The following DOCK6 variants were observed in gnomAD, a reference collection of about 807,000 sequenced individuals.
DOCK6 encodes dedicator of cytokinesis protein 6.
DOCK6 carries 167 observed loss-of-function variants against 230.3 expected under a neutral mutation model. That is an observed-to-expected ratio of 0.73 (90% CI 0.64 to 0.82). The LOEUF (loss-of-function observed/expected upper bound fraction) is 0.82. Among genes scored for constraint, DOCK6 ranks in the 40% least tolerant of loss-of-function variants. DOCK6 has a pLI of 0.00. For missense variants in DOCK6, 2,598 were observed against 2,825.8 expected (o/e 0.92, Z 1.83); for synonymous variants, 1,148 against 1,185.0 (o/e 0.97, Z 0.64).
intron 6 of DOCK6, among the ~76,000 whole-genome samples, chr19:11,249,238 C>T (rs747071613): frequency 8.5e-5 from 13 of 152,118 alleles, no homozygotes; most frequent in Non-Finnish European, 1.5e-4. Flanking sequence ...TCTGGCCAGG[C>T]GCAGTGGCTC....
At position 11,251,105 on chromosome 19, in the gene DOCK6, C is replaced by T; in HGVS notation, c.508-19G>A. On this transcript the variant is annotated intron_variant, in intron 5 of 47. Coordinates refer to ENST00000294618, the MANE Select transcript of DOCK6 (RefSeq NM_020812.4). ...AGTCATTCTGCCAGTGGAGAATGTGCAAGCACTGAGTGCCAGCTGTATACA... is the reference window on the plus strand; with the variant it reads ...AGTCATTCTGCCAGTGGAGAATGTGTAAGCACTGAGTGCCAGCTGTATACA... The T allele has an allele frequency of 1.3e-6, 2 of 1,598,672 alleles. No individual in the cohort carries two copies. The highest frequency in any genetic ancestry group is 2.3e-5 in the South Asian group (2 of 88,790).
intron 21 of DOCK6, among the ~76,000 whole-genome samples, chr19:11,234,359 A>G (rs773550491): frequency 2.6e-4 from 39 of 151,530 alleles, no homozygotes; most frequent in Non-Finnish European, 4.3e-4. Context: ...CACTTGCCTC[A>G]GCCTCCCAAA....
At position 11,227,486 on chromosome 19, in the gene DOCK6, G is replaced by C. The variant is rs1245273268; in HGVS notation, c.2815-9C>G. 6.4e-7 allele frequency: 1 copy of C among 1,561,024 alleles called. No homozygotes were observed. The highest frequency in any genetic ancestry group is 8.7e-7 in the Non-Finnish European group (1 of 1,153,580). ...AGCGCCATACTCTTCACCTGGGGGT[G>C]GGGTGAGAGGGCTGTGGGTGGGATT... On this transcript the variant is annotated splice_polypyrimidine_tract_variant and intron_variant, in intron 23 of 47. Coordinates refer to ENST00000294618, the MANE Select transcript of DOCK6 (RefSeq NM_020812.4).
chr19:11,229,876 CA>C (rs2079735626), intron 22 of DOCK6, among the ~76,000 whole-genome samples: 1 of 151,426 alleles, frequency 6.6e-6, no homozygotes, highest in African/African-American at 2.4e-5. Flanking sequence ...AACAAACAAA[CA>C]AACAAAAATA....
At chr19:11,212,175 T>G (rs972441522) in intron 35 of DOCK6, 24 bp from the exon 36 acceptor site, 1 of 1,595,510 alleles carries the variant, frequency 6.3e-7, no homozygotes, top group Non-Finnish European at 8.5e-7. Context: ...GGCGGGAGGG[T>G]GGAGCCGGGA....
chr19:11,237,410 C>T (rs563171670), intron 18 of DOCK6, 46 bp downstream of exon 18: 9 of 1,608,266 alleles, frequency 5.6e-6, no homozygotes, highest in Middle Eastern at 1.9e-4. Flanking sequence ...CTCGGGAGTG[C>T]TTCTGGGGAC....
intron 6 of DOCK6, among the ~76,000 whole-genome samples, chr19:11,250,375 G>A (rs1233860635): frequency 2.0e-5 from 3 of 151,326 alleles, no homozygotes; most frequent in African/African-American, 7.3e-5. Flanking sequence ...GTGCAGTGAC[G>A]GTGATTTCGG....
intron 31 of DOCK6, 42 bp downstream of exon 31, chr19:11,215,759 C>A (rs879903909): frequency 7.4e-6 from 12 of 1,611,026 alleles, no homozygotes; most frequent in Non-Finnish European, 9.3e-6. Context: ...AAGGTGGGAG[C>A]AGCTGGTGGG....
At chr19:11,213,025 G>A (rs1303357688) in intron 35 of DOCK6, 151 bp downstream of exon 35, 17 of 1,064,238 alleles carry the variant, frequency 1.6e-5, no homozygotes, top group Admixed American at 5.5e-5. Flanking sequence ...AATGAGCCAC[G>A]GCACCTGACC....
rs372103072 is a variant in DOCK6, at chr19:11,252,153, G to C, written c.473C>G (p.Ala158Gly). 39 of 1,588,118 alleles carry C rather than the reference G, an allele frequency of 2.5e-5. No homozygotes were observed. The highest frequency in any genetic ancestry group is 3.1e-5 in the Non-Finnish European group (36 of 1,167,702). Residue 158 changes from alanine (A) to glycine (G), a missense_variant, in exon 5 of 48, where the codon GCT becomes GGT. Ala to Gly is a moderately conservative substitution (Grantham distance 60, BLOSUM62 0). Transcript: ENST00000294618. ...AGGGCCGGACCTCTCGTCTCCAGAA[G>C]CATCCTGCTCAAAGACCTGGCGGGG... ...GLPRQVFEQDASGDERSGPED... is the reference protein window; with the variant it reads ...GLPRQVFEQDGSGDERSGPED...
At position 11,252,530 on chromosome 19, in the gene DOCK6, C is replaced by G; in HGVS notation, c.329G>C (p.Arg110Thr). The G allele has an allele frequency of 6.2e-7, 1 of 1,613,904 alleles. No individual in the cohort carries two copies. The highest frequency in any genetic ancestry group is 8.5e-7 in the Non-Finnish European group (1 of 1,179,892). The change falls in exon 4 of 48, where the codon AGG (arginine) becomes ACG (threonine). Residue 110 changes from arginine to threonine, a missense_variant. Coordinates refer to ENST00000294618, the MANE Select transcript of DOCK6 (RefSeq NM_020812.4). The stretch of plus-strand genomic sequence containing the variant: ...CTCAATATACATCTCCACCGCGGCC[C>G]TCACCTGGGCATCCAGTTTTCTGCA... ...PKDEKLDAQV[R>T]AAVEMYIEDW...
rs986110965 is a variant in DOCK6 at position 11,201,800 on chromosome 19, T to C, written c.5688+89A>G. 6 of 1,274,434 alleles carry C rather than the reference T, an allele frequency of 4.7e-6. No homozygotes were observed. In the African/African-American group the frequency reaches 8.8e-5, roughly 19 times the overall value. 78.9% of individuals were successfully genotyped at this position (1,274,434 alleles called of 1,614,324 possible). A position where few individuals can be genotyped will look rare whatever the true frequency, so the allele number is the denominator to read the frequency against. On this transcript the variant is annotated intron_variant, in intron 44 of 47. Transcript: ENST00000294618. The surrounding 1 kb of genome is among the most constrained non-coding windows in gnomAD (Gnocchi z 4.3). ...TGAGGTCCGTGAACCACCTTGGGTCTGGGTCCCTGTGTCTACCCTCCCCTC... is the reference window on the plus strand; with the variant it reads ...TGAGGTCCGTGAACCACCTTGGGTCCGGGTCCCTGTGTCTACCCTCCCCTC...
At chr19:11,224,627 G>A (rs1258185117) in intron 24 of DOCK6, among the ~76,000 whole-genome samples, 2 of 152,220 alleles carry the variant, frequency 1.3e-5, no homozygotes, top group Non-Finnish European at 2.9e-5. Flanking sequence ...TCAGTGCAAA[G>A]GCCCTGAGGC....
At chr19:11,219,780 T>C (rs936129204) in intron 28 of DOCK6, among the ~76,000 whole-genome samples, 2 of 148,276 alleles carry the variant, frequency 1.3e-5, no homozygotes, top group African/African-American at 5.0e-5. Context: ...AGAGCGAGAC[T>C]CTGTCTCAAA....
rs2079180189 is a variant in DOCK6 at position 11,202,139 on chromosome 19, C to CAGGT, written c.5452-18_5452-15dup. The stretch of plus-strand genomic sequence containing the variant: ...CTGGATGTAGGCCTGGGCGCAGGGT[C>CAGGT]AGGTGTGAGGATCCCACAGCCCCAG... On this transcript the variant is annotated splice_polypyrimidine_tract_variant and intron_variant, in intron 43 of 47. Coordinates refer to ENST00000294618, the MANE Select transcript of DOCK6 (RefSeq NM_020812.4). The surrounding 1 kb of genome is among the most constrained non-coding windows in gnomAD (Gnocchi z 5.3). 3 of 1,612,528 alleles carry CAGGT rather than the reference C, an allele frequency of 1.9e-6. No homozygotes were observed. Among genetic ancestry groups the CAGGT allele is most frequent in the Admixed American group, 1.7e-5 (1 of 59,962 alleles).
intron 18 of DOCK6, chr19:11,237,220 C>T: frequency 1.6e-6 from 1 of 606,280 alleles, no homozygotes; most frequent in Non-Finnish European, 2.9e-6. Context: ...GGACAGTGAT[C>T]AGGAAGGCAG....
At position 11,236,019 on chromosome 19, in the gene DOCK6, T is replaced by TCTCTGTC; in HGVS notation, c.2393-261_2393-260insGACAGAG. The stretch of plus-strand genomic sequence containing the variant: ...CCTCAGCCTCCCGAGTAGCTGGGAT[T>TCTCTGTC]ACAGGCATGCGCCACCACGCCCAGC... On this transcript the variant is annotated intron_variant, in intron 20 of 47. Transcript: ENST00000294618. This position sits in a 1 kb window ranked among gnomAD's most constrained non-coding sequence, Gnocchi z 5.2. The TCTCTGTC allele has an allele frequency of 2.0e-6, 1 of 506,774 alleles. No homozygotes were observed. The highest frequency in any genetic ancestry group is 3.4e-6 in the Non-Finnish European group (1 of 292,412). 31.4% of individuals were successfully genotyped at this position (506,774 alleles called of 1,614,324 possible).
rs2080115300 is a variant in DOCK6 at position 11,251,365 on chromosome 19, C to T, written c.508-279G>A. On this transcript the variant is annotated intron_variant, in intron 5 of 47. Transcript: ENST00000294618. ...ATCTGGTCAATCAAAACACATCTACCCACCCTAGGGACTGGCTCCAAGGGC... is the reference window on the plus strand; with the variant it reads ...ATCTGGTCAATCAAAACACATCTACTCACCCTAGGGACTGGCTCCAAGGGC... The T allele has an allele frequency of 1.0e-5, 4 of 391,042 alleles. No individual in the cohort carries two copies. The South Asian group carries it at 1.5e-4, about 15-fold the overall frequency. The allele number at this position is 391,042 out of a possible 1,614,324, so 24.2% of individuals were successfully genotyped here.
chr19:11,258,816 GC>G (rs1031749414), intron 1 of DOCK6, among the ~76,000 whole-genome samples: 4 of 151,256 alleles, frequency 2.6e-5, no homozygotes, highest in African/African-American at 7.3e-5. Context: ...GAGTGCAGTG[GC>G]GTGATCTCAG....
Sources: gnomAD v4.1 joint callset for allele counts (sites outside exome capture counted in the v4.1 genomes callset) on GRCh38, gnomAD v4.1.1 for gene constraint, Gnocchi (gnomAD v3.1) non-coding constraint, MANE v1.5 for transcripts, NCBI Gene and HGNC (gene_info 2026-07-23, HGNC 2026-07-21) for gene names.